CAMKMT: variants seen among roughly 807,000 people sequenced by gnomAD.
CAMKMT encodes the protein calmodulin-lysine N-methyltransferase, also known as CaM KMT.
CAMKMT carries 53 observed loss-of-function variants against 48.0 expected under a neutral mutation model. That is an observed-to-expected ratio of 1.10 (90% confidence interval 0.89 to 1.39). The LOEUF (loss-of-function observed/expected upper bound fraction) is 1.39, where lower values mean the gene tolerates loss of function less well. Among genes scored for constraint, CAMKMT ranks in the 40% most tolerant of loss-of-function variants. CAMKMT has a pLI of 0.00. For synonymous variants in CAMKMT, 165 were observed against 152.3 expected (o/e 1.08, Z -0.61); for missense variants, 428 against 402.7 (o/e 1.06, Z -0.54).
chr2:44,545,734 G>C (rs986273902), intron 3 of CAMKMT, among the ~76,000 whole-genome samples: 86 of 150,046 alleles, frequency 5.7e-4, no homozygotes, highest in Non-Finnish European at 1.5e-5. Flanking sequence ...AGGGGAGAAG[G>C]GGATTATGAA....
At chr2:44,587,722 C>T (rs1370325693) in intron 3 of CAMKMT, among the ~76,000 whole-genome samples, 6 of 132,850 alleles carry the variant, frequency 4.5e-5, no homozygotes, top group African/African-American at 1.4e-4. Flanking sequence ...GCGAGTGATC[C>T]GCCAGCCTCG....
At chr2:44,395,066 A>C (rs1385120841) in intron 3 of CAMKMT, 1 of 435,810 alleles carries the variant, frequency 2.3e-6, no homozygotes, top group Admixed American at 2.6e-5. Flanking sequence ...TTCACTTTTT[A>C]CTTGTATTTA....
intron 3 of CAMKMT, among the ~76,000 whole-genome samples, chr2:44,695,501 G>T (rs979741002): frequency 6.6e-6 from 1 of 152,174 alleles, no homozygotes; most frequent in Admixed American, 6.5e-5. Flanking sequence ...CTCTGGAAGA[G>T]ATAAGAATAT....
chr2:44,746,794 T>G (rs1227913831), intron 8 of CAMKMT, among the ~76,000 whole-genome samples: 2 of 152,242 alleles, frequency 1.3e-5, no homozygotes, highest in African/African-American at 4.8e-5. Flanking sequence ...TAAGGATTCC[T>G]TTCTGCTGGA....
Position 44,704,269 on chromosome 2 carries a change from C to G in CAMKMT, c.377-14C>G. 1.9e-6 allele frequency: 3 copies of G among 1,605,714 alleles called. No homozygotes were observed. The highest frequency in any genetic ancestry group is 2.2e-5 in the East Asian group (1 of 44,658). On this transcript the variant is annotated splice_polypyrimidine_tract_variant and intron_variant, in intron 3 of 10. Coordinates refer to ENST00000378494, the MANE Select transcript of CAMKMT (RefSeq NM_024766.5). ...CTTCTATAATCAAAAGGTTTATCCT[C>G]TTGTGTTTTCTAGGCATCTGGCCAT...
intron 9 of CAMKMT, among the ~76,000 whole-genome samples, chr2:44,754,394 C>A (rs1431447666): frequency 1.3e-5 from 2 of 152,158 alleles, no homozygotes; most frequent in African/African-American, 4.8e-5. Context: ...CAAAGAATTT[C>A]TTGAGTCTTT....
chr2:44,770,776 C>T (rs895928361), intron 10 of CAMKMT, among the ~76,000 whole-genome samples: 3 of 152,228 alleles, frequency 2.0e-5, no homozygotes, highest in East Asian at 1.9e-4. Context: ...TTAGGCTTAA[C>T]ACTCTCGCTA....
chr2:44,422,053 C>T (rs1380088039), intron 3 of CAMKMT, among the ~76,000 whole-genome samples: 1 of 152,184 alleles, frequency 6.6e-6, no homozygotes, highest in Non-Finnish European at 1.5e-5. Context: ...TCAAATCTCA[C>T]ATTGAAATGT....
intron 2 of CAMKMT, among the ~76,000 whole-genome samples, chr2:44,383,326 G>A (rs1311788991): frequency 6.6e-6 from 1 of 151,702 alleles, no homozygotes; most frequent in Non-Finnish European, 1.5e-5. Context: ...CACCACACCC[G>A]GCTAATTTTT....
At chr2:44,454,174 A>C (rs1395227462) in intron 3 of CAMKMT, among the ~76,000 whole-genome samples, 1 of 152,124 alleles carries the variant, frequency 6.6e-6, no homozygotes, top group Non-Finnish European at 1.5e-5. Flanking sequence ...ATAATAGGGT[A>C]AGTCAGAGTG....
intron 3 of CAMKMT, among the ~76,000 whole-genome samples, chr2:44,670,914 C>A (rs1039931766): frequency 1.3e-5 from 2 of 152,138 alleles, no homozygotes; most frequent in Non-Finnish European, 2.9e-5. Flanking sequence ...AAAATATAAT[C>A]CACCTCTTCT....
chr2:44,464,466 T>A (rs1668008066), intron 3 of CAMKMT, among the ~76,000 whole-genome samples: 1 of 152,084 alleles, frequency 6.6e-6, no homozygotes, highest in Non-Finnish European at 1.5e-5. Flanking sequence ...AGGAAGAAAA[T>A]GGACATTCAA....
At chr2:44,542,753 G>A (rs914139890) in intron 3 of CAMKMT, among the ~76,000 whole-genome samples, 2 of 152,086 alleles carry the variant, frequency 1.3e-5, no homozygotes, top group East Asian at 1.9e-4. Flanking sequence ...ACAGTATTCC[G>A]AGAAACTGGG....
At chr2:44,398,668 G>T (rs936708409) in intron 3 of CAMKMT, among the ~76,000 whole-genome samples, 2 of 150,294 alleles carry the variant, frequency 1.3e-5, no homozygotes, top group African/African-American at 2.5e-5. Flanking sequence ...TACTTCTCAA[G>T]CTTATGGCTA....
intron 3 of CAMKMT, among the ~76,000 whole-genome samples, chr2:44,673,331 G>A: frequency 6.6e-6 from 1 of 151,642 alleles, no homozygotes; most frequent in Non-Finnish European, 1.5e-5. Flanking sequence ...GGAGGCTGAG[G>A]TGGGAGGATC....
intron 3 of CAMKMT, among the ~76,000 whole-genome samples, chr2:44,603,351 A>G (rs1274495893): frequency 6.6e-6 from 1 of 152,156 alleles, no homozygotes; most frequent in Non-Finnish European, 1.5e-5. Flanking sequence ...TTGGCCTCCC[A>G]AAGTGCTGAG....
chr2:44,548,437 C>G (rs1489061510), intron 3 of CAMKMT, among the ~76,000 whole-genome samples: 1 of 152,140 alleles, frequency 6.6e-6, no homozygotes, highest in Non-Finnish European at 1.5e-5. Flanking sequence ...ACAGGTGTCT[C>G]CTGTGGTAGG....
In CAMKMT at chr2:44,706,231, T is replaced by A. The variant is rs905439851; in HGVS notation, c.438-56T>A. Reference sequence around the variant, plus strand: ...TTTGTTCTTGTAACATATATCTCTCTCTGACCATTTTCATCTAATTTGTAT... The same window carrying A: ...TTTGTTCTTGTAACATATATCTCTCACTGACCATTTTCATCTAATTTGTAT... On this transcript the variant is annotated intron_variant, in intron 4 of 10. Coordinates refer to ENST00000378494, the MANE Select transcript of CAMKMT (RefSeq NM_024766.5). 3.2e-6 allele frequency: 5 copies of A among 1,576,754 alleles called. No homozygotes were observed. In the Admixed American group the frequency reaches 8.4e-5, roughly 26 times the overall value.
intron 3 of CAMKMT, among the ~76,000 whole-genome samples, chr2:44,443,210 C>A (rs934669167): frequency 6.6e-6 from 1 of 152,126 alleles, no homozygotes; most frequent in African/African-American, 2.4e-5. Flanking sequence ...TAATGGCATA[C>A]CCATTGTTAA....
Sources: gnomAD v4.1 joint callset for allele counts (sites outside exome capture counted in the v4.1 genomes callset) on GRCh38, gnomAD v4.1.1 for gene constraint, MANE v1.5 for transcripts, NCBI Gene and HGNC (gene_info 2026-07-23, HGNC 2026-07-21) for gene names.